The following ATP8B1 variants were observed in gnomAD, a reference collection of about 807,000 sequenced individuals.
The protein encoded by ATP8B1 is phospholipid-transporting ATPase IC.
A neutral mutation model predicts 149.9 loss-of-function variants in ATP8B1; 80 were observed. The ratio of observed to expected loss-of-function variants is 0.53; its 90% confidence interval spans 0.45 to 0.64. ATP8B1 has a LOEUF of 0.64. ATP8B1 is among the 30% of genes least tolerant of loss of function. ATP8B1 has a pLI of 0.00. For missense variants in ATP8B1, 1,247 were observed against 1,552.6 expected, an observed-to-expected ratio of 0.80 and a Z score of 3.31; for synonymous variants, 536 against 562.8, an observed-to-expected ratio of 0.95 and a Z score of 0.67.
At chr18:57,760,676 G>T (rs1401051898) in intron 1 of ATP8B1, among the ~76,000 whole-genome samples, 3 of 152,150 alleles carry the variant, frequency 2.0e-5, no homozygotes, top group Non-Finnish European at 2.9e-5. Context: ...TAATAAGGAA[G>T]ATACTTTTTA....
chr18:57,793,372 A>T (rs1194373437), intron 1 of ATP8B1, among the ~76,000 whole-genome samples: 1 of 151,926 alleles, frequency 6.6e-6, no homozygotes, highest in Non-Finnish European at 1.5e-5. Flanking sequence ...CCTGGCGGAC[A>T]CTACCACCCT....
chr18:57,714,610 A>G (rs947039235), intron 2 of ATP8B1, among the ~76,000 whole-genome samples: 2 of 122,486 alleles, frequency 1.6e-5, no homozygotes, highest in Non-Finnish European at 3.8e-5. Context: ...GGGAGAGAGA[A>G]AGAGCAAAAA....
At chr18:57,713,211 C>T (rs1213824247) in intron 2 of ATP8B1, among the ~76,000 whole-genome samples, 22 of 125,858 alleles carry the variant, frequency 1.7e-4, no homozygotes, top group African/African-American at 6.7e-4. Context: ...TTCCTTCCTT[C>T]CTTCCTTCCT....
intron 6 of ATP8B1, among the ~76,000 whole-genome samples, chr18:57,700,337 C>A (rs929476857): frequency 1.3e-5 from 2 of 151,936 alleles, no homozygotes; most frequent in African/African-American, 4.8e-5. Context: ...ATCTCCAAGT[C>A]ATTTTTGGCC....
At chr18:57,790,163 C>G (rs2080449028) in intron 1 of ATP8B1, among the ~76,000 whole-genome samples, 1 of 152,182 alleles carries the variant, frequency 6.6e-6, no homozygotes, top group African/African-American at 2.4e-5. Flanking sequence ...ACCAGGATTC[C>G]CCTTGTGAAG....
At chr18:57,651,485 G>A (rs1163834606) in intron 26 of ATP8B1, among the ~76,000 whole-genome samples, 2 of 152,048 alleles carry the variant, frequency 1.3e-5, no homozygotes, top group African/African-American at 4.8e-5. Context: ...TTCAACACAC[G>A]TACAGCGCTA....
intron 1 of ATP8B1, among the ~76,000 whole-genome samples, chr18:57,796,856 T>C (rs891890101): frequency 2.6e-5 from 4 of 152,206 alleles, no homozygotes; most frequent in Non-Finnish European, 4.4e-5. Context: ...TTTCACCATG[T>C]TGGCCAGGAT....
intron 2 of ATP8B1, among the ~76,000 whole-genome samples, chr18:57,724,507 T>C (rs1395341443): frequency 1.3e-5 from 2 of 152,096 alleles, no homozygotes; most frequent in African/African-American, 4.8e-5. Flanking sequence ...AAAATGCTCA[T>C]CATCACTGGC....
Position 57,732,960 on chromosome 18 carries a change from AC to A in ATP8B1, c.-25-1129del, listed in dbSNP as rs1477061464. ...CGTCCTGAGCCTTTGTTCTGATACA[AC>A]ATTTTTAATATAACCTTAGATCTTC... On this transcript the variant is annotated intron_variant, in intron 1 of 27. Transcript: ENST00000648908. Among the ~76,000 whole-genome samples, 286 of 152,274 alleles carry A rather than the reference AC, an allele frequency of 1.9e-3. 8 individuals carry two copies. The East Asian group carries it at 0.045, about 24-fold the overall frequency.
At chr18:57,667,405 T>G in intron 19 of ATP8B1, 1 of 497,294 alleles carries the variant, frequency 2.0e-6, no homozygotes, top group Non-Finnish European at 3.6e-6. Context: ...AATTTGTGTT[T>G]TTTCTAGAGA....
At chr18:57,695,580 C>A in intron 8 of ATP8B1, 48 bp from the exon 9 acceptor site, 2 of 1,447,802 alleles carry the variant, frequency 1.4e-6, no homozygotes, top group South Asian at 2.3e-5. Flanking sequence ...TTTTTGAGTT[C>A]AAAGTGGAAG....
chr18:57,749,486 A>C (rs980763314), intron 1 of ATP8B1, among the ~76,000 whole-genome samples: 1 of 152,206 alleles, frequency 6.6e-6, no homozygotes, highest in Non-Finnish European at 1.5e-5. Flanking sequence ...TTGTTATCAT[A>C]ATACTATTTA....
chr18:57,658,110 G>A (rs149004051), intron 22 of ATP8B1, among the ~76,000 whole-genome samples: 4 of 151,380 alleles, frequency 2.6e-5, no homozygotes, highest in African/African-American at 9.7e-5. Context: ...GCAGTGGTGC[G>A]ATCTTGGCTC....
intron 1 of ATP8B1, among the ~76,000 whole-genome samples, chr18:57,776,364 G>C (rs1350376412): frequency 2.6e-5 from 4 of 152,230 alleles, no homozygotes; most frequent in Admixed American, 6.5e-5. Context: ...ACGTGAATTA[G>C]GCTTCTACCA....
At chr18:57,718,360 A>T (rs56948659) in intron 2 of ATP8B1, among the ~76,000 whole-genome samples, 1 of 152,140 alleles carries the variant, frequency 6.6e-6, no homozygotes. Flanking sequence ...GATCAAAGCC[A>T]TAATAAAAAG....
At chr18:57,722,943 T>G (rs1599156132) in intron 2 of ATP8B1, among the ~76,000 whole-genome samples, 1 of 150,670 alleles carries the variant, frequency 6.6e-6, no homozygotes, top group Non-Finnish European at 1.5e-5. Context: ...GCTGGTTCAA[T>G]ATACGCAAAT....
intron 2 of ATP8B1, among the ~76,000 whole-genome samples, chr18:57,713,298 CTCTT>C (rs928606173): frequency 8.7e-5 from 12 of 137,378 alleles, no homozygotes; most frequent in African/African-American, 3.3e-4. Flanking sequence ...CTCTCTCTCT[CTCTT>C]TCTTTCTTTT....
intron 2 of ATP8B1, among the ~76,000 whole-genome samples, chr18:57,713,179 C>CTT (rs200944828): frequency 1.3e-5 from 1 of 74,864 alleles, no homozygotes; most frequent in African/African-American, 5.3e-5. Context: ...TTCTTTCTTT[C>CTT]TTTCTTTCTT....
chr18:57,672,417 C>G (rs317836), intron 16 of ATP8B1, among the ~76,000 whole-genome samples: 46,001 of 152,092 alleles, frequency 0.3, 7,570 homozygotes, highest in East Asian at 0.65. Context: ...GTAAGGGACA[C>G]AGAAAGCGTT....
Sources: gnomAD v4.1 joint callset for allele counts (sites outside exome capture counted in the v4.1 genomes callset) on GRCh38, gnomAD v4.1.1 for gene constraint, MANE v1.5 for transcripts, NCBI Gene and HGNC (gene_info 2026-07-23, HGNC 2026-07-21) for gene names.